SLC7A14: variants seen among roughly 807,000 people sequenced by gnomAD.
The protein encoded by SLC7A14 is solute carrier family 7 member 14.
SLC7A14 carries 37 observed loss-of-function variants against 60.2 expected under a neutral mutation model. The observed-to-expected ratio is 0.61, with a 90% CI of 0.47 to 0.81. SLC7A14 has a LOEUF of 0.81. SLC7A14 is among the 30% of genes least tolerant of loss of function. The pLI is 0.00. For missense variants in SLC7A14, 886 were observed against 982.7 expected (o/e 0.90, Z 1.32); for synonymous variants, 399 against 395.8 (o/e 1.01, Z -0.10).
At chr3:170,495,591 G>A in intron 4 of SLC7A14, 1 of 772,090 alleles carries the variant, frequency 1.3e-6, no homozygotes, top group South Asian at 1.4e-5. Context: ...GGGTGGCCTG[G>A]GCAGAGGCTA....
At chr3:170,506,767 G>A (rs1712793100) in intron 2 of SLC7A14, among the ~76,000 whole-genome samples, 1 of 152,132 alleles carries the variant, frequency 6.6e-6, no homozygotes, top group Non-Finnish European at 1.5e-5. Context: ...ATTCCCTATT[G>A]CCCTTTTAGA....
chr3:170,479,495 A>G (rs933579867), intron 7 of SLC7A14, among the ~76,000 whole-genome samples: 1 of 152,252 alleles, frequency 6.6e-6, no homozygotes, highest in Non-Finnish European at 1.5e-5. Flanking sequence ...AAGTAAAATT[A>G]GAAATCTTAG....
Position 170,478,473 on chromosome 3 carries a change from T to C in SLC7A14, c.1993+1816A>G, listed in dbSNP as rs556488193. Among the ~76,000 whole-genome samples the C allele has an allele frequency of 1.2e-4, 19 of 152,294 alleles. No individual in the cohort carries two copies. The South Asian group carries it at 3.7e-3, about 30-fold the overall frequency. On this transcript the variant is annotated intron_variant, in intron 7 of 7. Transcript: ENST00000231706. ...CTCCTGAAGTCTAACCAGGGGGACT[T>C]AGAATAGTGAAAAATTGGGACAAAA...
intron 1 of SLC7A14, among the ~76,000 whole-genome samples, chr3:170,547,715 C>T (rs985025123): frequency 3.3e-5 from 5 of 152,028 alleles, no homozygotes; most frequent in African/African-American, 1.2e-4. Context: ...ATACATATCA[C>T]AAAACTGAGA....
chr3:170,537,066 A>G (rs1167585523), intron 1 of SLC7A14, among the ~76,000 whole-genome samples: 1 of 152,224 alleles, frequency 6.6e-6, no homozygotes, highest in African/African-American at 2.4e-5. Flanking sequence ...GCTATCACAT[A>G]TCTCACACAA....
At chr3:170,468,304 CTT>C (rs1179861984) in intron 7 of SLC7A14, among the ~76,000 whole-genome samples, 1 of 146,830 alleles carries the variant, frequency 6.8e-6, no homozygotes, top group Non-Finnish European at 1.5e-5. Context: ...TTTTTCTTTT[CTT>C]TTTTTTTTTG....
chr3:170,512,287 C>T (rs1713003210), intron 2 of SLC7A14, among the ~76,000 whole-genome samples: 1 of 152,130 alleles, frequency 6.6e-6, no homozygotes, highest in African/African-American at 2.4e-5. Context: ...ATGGGGGTTC[C>T]ACTGGGAGGG....
intron 4 of SLC7A14, among the ~76,000 whole-genome samples, chr3:170,497,104 A>G (rs1272597594): frequency 6.6e-6 from 1 of 151,238 alleles, no homozygotes; most frequent in Non-Finnish European, 1.5e-5. Context: ...AAAAAAAAAA[A>G]AAAAAAGAAA....
Position 170,498,832 on chromosome 3 carries a change from G to C in SLC7A14, c.594C>G (p.Ile198Met). The change falls in exon 4 of 8, where the codon ATC becomes ATG. Residue 198 changes from isoleucine (I) to methionine (M), a missense_variant. Coordinates refer to ENST00000231706, the MANE Select transcript of SLC7A14 (RefSeq NM_020949.3). ...PDLLALLIAVIVTIIVALGVK... is the reference protein window; with the variant it reads ...PDLLALLIAVMVTIIVALGVK... The stretch of plus-strand genomic sequence containing the variant: ...CCCCCAGAGCAACAATGATGGTCAC[G>C]ATGACCGCGATCAACAGAGCCAGAA... 1 of 1,614,142 alleles carries C rather than the reference G, an allele frequency of 6.2e-7. No homozygotes were observed. The highest frequency in any genetic ancestry group is 8.5e-7 in the Non-Finnish European group (1 of 1,180,016).
chr3:170,471,499 T>A (rs1369733307), intron 7 of SLC7A14, among the ~76,000 whole-genome samples: 4 of 152,192 alleles, frequency 2.6e-5, no homozygotes, highest in Admixed American at 2.0e-4. Context: ...TCATCACAAC[T>A]AAAAATTAAT....
At chr3:170,571,223 T>TG (rs1340472545) in intron 1 of SLC7A14, among the ~76,000 whole-genome samples, 1 of 152,236 alleles carries the variant, frequency 6.6e-6, no homozygotes, top group Non-Finnish European at 1.5e-5. Context: ...GCTCTTGCTT[T>TG]GGGGTAATCA....
chr3:170,475,293 AAT>A (rs1711578606), intron 7 of SLC7A14, among the ~76,000 whole-genome samples: 1 of 152,234 alleles, frequency 6.6e-6, no homozygotes, highest in South Asian at 2.1e-4. Flanking sequence ...TGGATAAAAA[AAT>A]GTGTCTTAAG....
At position 170,498,701 on chromosome 3, in the gene SLC7A14, G is replaced by C; in HGVS notation, c.725C>G (p.Ala242Gly). Reference sequence around the variant, plus strand: ...GCCGTGGGGCAAGAACTGGCCCTCCGCCCAGTATTTCCCATTGATGAAGAA... The same window carrying C: ...GCCGTGGGGCAAGAACTGGCCCTCCCCCCAGTATTTCCCATTGATGAAGAA... ...GLFFINGKYW[A>G]EGQFLPHGWS... Residue 242 changes from alanine (A) to glycine (G), a missense_variant, in exon 4 of 8, where the codon GCG (alanine) becomes GGG (glycine). Transcript: ENST00000231706. 1 of 1,614,116 alleles carries C rather than the reference G, an allele frequency of 6.2e-7. No homozygotes were observed. Among genetic ancestry groups the C allele is most frequent in the South Asian group, 1.1e-5 (1 of 91,078 alleles).
In SLC7A14 at chr3:170,462,415, A is replaced by G. The variant is rs1320553946; in HGVS notation, c.*4640T>C. On this transcript the variant is annotated 3_prime_UTR_variant, in exon 8 of 8. Coordinates refer to ENST00000231706, the MANE Select transcript of SLC7A14 (RefSeq NM_020949.3). ...TAGAGGAGAGAGATTTCTTTGAAGG[A>G]GTTTGTGTTTTGTTTTTCAATAATT... 1 of 152,112 alleles carries G rather than the reference A, an allele frequency of 6.6e-6. No homozygotes were observed. Among genetic ancestry groups the G allele is most frequent in the Non-Finnish European group, 1.5e-5 (1 of 68,002 alleles). 9.4% of individuals were successfully genotyped at this position (152,112 alleles called of 1,614,324 possible).
intron 1 of SLC7A14, among the ~76,000 whole-genome samples, chr3:170,544,989 A>G (rs894745714): frequency 6.6e-6 from 1 of 152,242 alleles, no homozygotes; most frequent in Non-Finnish European, 1.5e-5. Context: ...ACATGTGGCT[A>G]TTGAACACTT....
At position 170,464,993 on chromosome 3, in the gene SLC7A14, CT is replaced by C. The variant is rs1739684358; in HGVS notation, c.*2061del. The C allele has an allele frequency of 6.6e-6, 1 of 152,158 alleles. No homozygotes were observed. Among genetic ancestry groups the C allele is most frequent in the South Asian group, 2.1e-4 (1 of 4,828 alleles). The allele number at this position is 152,158 out of a possible 1,614,324, so 9.4% of individuals were successfully genotyped here. On this transcript the variant is annotated 3_prime_UTR_variant, in exon 8 of 8. Transcript: ENST00000231706. ...TCAAAACTTTGTTTTCAAAAGATGACTGATAATTAGTTTATAATTAATTCCT... is the reference window on the plus strand; with the variant it reads ...TCAAAACTTTGTTTTCAAAAGATGACGATAATTAGTTTATAATTAATTCCT...
chr3:170,531,328 A>G (rs1264866506), intron 1 of SLC7A14, among the ~76,000 whole-genome samples: 1 of 152,124 alleles, frequency 6.6e-6, no homozygotes, highest in Non-Finnish European at 1.5e-5. Context: ...GTCTGGAGAT[A>G]TCTCCTGGGC....
Position 170,498,759 on chromosome 3 carries a change from C to T in SLC7A14, c.667G>A (p.Ala223Thr), listed in dbSNP as rs1712495144. The change falls in exon 4 of 8, where the codon GCA (alanine) becomes ACA (threonine). Residue 223 changes from alanine to threonine, a missense_variant. Ala to Thr is a moderately conservative substitution (Grantham distance 58, BLOSUM62 0). Transcript: ENST00000231706. The part of the protein sequence containing the change: ...FNNVLNVLNL[A>T]VWVFIMIAGL... ...GCGATCATGATGAACACCCATACTG[C>T]CAGGTTCAGCACATTGAGAACATTG... is the stretch of plus-strand genomic sequence containing the variant. The T allele has an allele frequency of 6.2e-7, 1 of 1,614,072 alleles. No homozygotes were observed. The highest frequency in any genetic ancestry group is 8.5e-7 in the Non-Finnish European group (1 of 1,180,042).
chr3:170,560,112 G>A (rs558522881), intron 1 of SLC7A14, among the ~76,000 whole-genome samples: 1 of 152,316 alleles, frequency 6.6e-6, no homozygotes, highest in Non-Finnish European at 1.5e-5. Context: ...AAACAGCACA[G>A]GAGGTCTATT....
Sources: gnomAD v4.1 joint callset for allele counts (sites outside exome capture counted in the v4.1 genomes callset) on GRCh38, gnomAD v4.1.1 for gene constraint, MANE v1.5 for transcripts, NCBI Gene and HGNC (gene_info 2026-07-23, HGNC 2026-07-21) for gene names.